Variants in CDH13 observed in about 807,000 individuals in gnomAD.
CDH13 encodes cadherin 13, also known as cadherin-13.
Under a neutral mutation model 63.8 loss-of-function variants are expected in CDH13, and 24 were observed. That is an observed-to-expected ratio of 0.38 (90% CI 0.27 to 0.53). The LOEUF is 0.53. Among genes scored for constraint, CDH13 ranks in the 20% least tolerant of loss-of-function variants. The pLI, the probability that CDH13 is intolerant of heterozygous loss-of-function variation, is 0.85. For synonymous variants in CDH13, 503 were observed against 355.3 expected, an observed-to-expected ratio of 1.42 and a Z score of -4.67; for missense variants, 1,049 against 903.1, an observed-to-expected ratio of 1.16 and a Z score of -2.07.
chr16:83,357,311 G>C (rs1189095682), intron 6 of CDH13, among the ~76,000 whole-genome samples: 1 of 152,224 alleles, frequency 6.6e-6, no homozygotes, highest in Middle Eastern at 3.4e-3. Flanking sequence ...GGGATGACTT[G>C]AATAGTAACA....
At position 82,627,043 on chromosome 16, in the gene CDH13, C is replaced by T. The variant is rs988560270; in HGVS notation, c.-50C>T. 3.1e-5 allele frequency: 49 copies of T among 1,565,246 alleles called. No individual in the cohort carries two copies. The highest frequency in any genetic ancestry group is 4.2e-5 in the Non-Finnish European group (48 of 1,154,388). On this transcript the variant is annotated 5_prime_UTR_variant, in exon 1 of 14. Transcript: ENST00000567109. ...GCTCCCACGGAAAATATGCTCAGTG[C>T]AGCCGCGTGCATGAATGAAAACGCC...
chr16:83,059,553 C>T (rs535535945), intron 3 of CDH13, among the ~76,000 whole-genome samples: 1 of 152,206 alleles, frequency 6.6e-6, no homozygotes, highest in East Asian at 1.9e-4. Context: ...AGATTGAACT[C>T]TTCGGAGATT....
intron 6 of CDH13, among the ~76,000 whole-genome samples, chr16:83,362,592 T>C (rs1037855251): frequency 4.6e-5 from 7 of 152,190 alleles, no homozygotes; most frequent in African/African-American, 1.7e-4. Context: ...ACTGTCTCCA[T>C]GTTTCATGTG....
intron 6 of CDH13, among the ~76,000 whole-genome samples, chr16:83,445,421 C>T (rs1463422331): frequency 2.0e-5 from 3 of 152,114 alleles, no homozygotes; most frequent in East Asian, 1.9e-4. Context: ...AAATCAGATC[C>T]TGCTGTGTTC....
intron 5 of CDH13, among the ~76,000 whole-genome samples, chr16:83,260,514 C>T (rs1045655210): frequency 2.0e-5 from 3 of 152,166 alleles, no homozygotes; most frequent in Non-Finnish European, 2.9e-5. Context: ...CTTTTTAGCT[C>T]AGTCTTCGAG....
chr16:83,552,486 C>T (rs544867400), intron 7 of CDH13, among the ~76,000 whole-genome samples: 1 of 152,292 alleles, frequency 6.6e-6, no homozygotes, highest in Non-Finnish European at 1.5e-5. Context: ...GTCTCCTAGT[C>T]AGGCATTAAC....
chr16:82,865,546 G>A (rs2040101348), intron 2 of CDH13, among the ~76,000 whole-genome samples: 1 of 152,162 alleles, frequency 6.6e-6, no homozygotes, highest in Non-Finnish European at 1.5e-5. Flanking sequence ...GCCCCTTTTA[G>A]CCATGGCCAA....
At chr16:83,324,752 G>C (rs966388720) in intron 5 of CDH13, among the ~76,000 whole-genome samples, 10 of 152,100 alleles carry the variant, frequency 6.6e-5, no homozygotes, top group African/African-American at 9.7e-5. Flanking sequence ...TATTTCTCTT[G>C]GCTATTTGTC....
At chr16:83,049,918 TTGAG>T (rs1405545666) in intron 3 of CDH13, among the ~76,000 whole-genome samples, 1 of 152,212 alleles carries the variant, frequency 6.6e-6, no homozygotes, top group Non-Finnish European at 1.5e-5. Flanking sequence ...TTTACAATGA[TTGAG>T]TGTGGGCAGC....
Position 82,925,610 on chromosome 16 carries a change from G to A in CDH13, c.157+67137G>A, listed in dbSNP as rs574960898. ...GATCAGGGGAAGGTTTTTAGGAATG[G>A]GTATGGCATGGCCAACCTGAACACT... On this transcript the variant is annotated intron_variant, in intron 2 of 13. Coordinates refer to ENST00000567109, the MANE Select transcript of CDH13 (RefSeq NM_001257.5). Among the ~76,000 whole-genome samples, 6 of 152,276 alleles carry A rather than the reference G, an allele frequency of 3.9e-5. 1 individual carries two copies. Among genetic ancestry groups the A allele is most frequent in the Admixed American group, 2.0e-4 (3 of 15,298 alleles).
chr16:83,329,756 A>G (rs375707827), intron 5 of CDH13, among the ~76,000 whole-genome samples: 12 of 152,210 alleles, frequency 7.9e-5, no homozygotes, highest in Non-Finnish European at 1.6e-4. Flanking sequence ...GAGAGCTCAT[A>G]TAAGTGGAAT....
chr16:82,759,614 A>G (rs2034752492), intron 1 of CDH13, among the ~76,000 whole-genome samples: 1 of 151,382 alleles, frequency 6.6e-6, no homozygotes, highest in Non-Finnish European at 1.5e-5. Context: ...AATATAACAT[A>G]AAAATGACTT....
intron 5 of CDH13, among the ~76,000 whole-genome samples, chr16:83,335,874 G>C (rs1053048375): frequency 1.3e-5 from 2 of 152,042 alleles, no homozygotes; most frequent in Admixed American, 6.6e-5. Context: ...TTGCTCACTT[G>C]GGGGGCTTGG....
chr16:83,645,604 G>A (rs1023101321), intron 8 of CDH13, among the ~76,000 whole-genome samples: 21 of 151,278 alleles, frequency 1.4e-4, no homozygotes, highest in East Asian at 3.9e-4. Context: ...CCAACCTCCC[G>A]CACCCTCAGG....
intron 13 of CDH13, among the ~76,000 whole-genome samples, chr16:83,793,819 A>G (rs1258486150): frequency 6.6e-6 from 1 of 152,102 alleles, no homozygotes; most frequent in East Asian, 1.9e-4. Flanking sequence ...CTCTAAAAAA[A>G]AAAAAAAAAA....
At chr16:83,041,844 C>T (rs1027954429) in intron 3 of CDH13, among the ~76,000 whole-genome samples, 6 of 152,192 alleles carry the variant, frequency 3.9e-5, no homozygotes, top group African/African-American at 1.2e-4. Flanking sequence ...CATCATGAGA[C>T]ACATTTAATA....
intron 1 of CDH13, among the ~76,000 whole-genome samples, chr16:82,643,843 A>G (rs1269737104): frequency 1.3e-5 from 2 of 152,034 alleles, no homozygotes; most frequent in African/African-American, 4.8e-5. Context: ...CCTGAGCTCA[A>G]GCAACCCTCT....
At chr16:83,268,803 C>G (rs976565436) in intron 5 of CDH13, among the ~76,000 whole-genome samples, 1 of 152,112 alleles carries the variant, frequency 6.6e-6, no homozygotes, top group Non-Finnish European at 1.5e-5. Context: ...GGCACAGGTT[C>G]CTAAGGAGTG....
At chr16:83,048,897 C>G (rs1323973648) in intron 3 of CDH13, among the ~76,000 whole-genome samples, 3 of 152,024 alleles carry the variant, frequency 2.0e-5, no homozygotes, top group African/African-American at 2.4e-5. Flanking sequence ...TTGTTGAAAG[C>G]CATCTTCACT....
Sources: gnomAD v4.1 joint callset for allele counts (sites outside exome capture counted in the v4.1 genomes callset) on GRCh38, gnomAD v4.1.1 for gene constraint, MANE v1.5 for transcripts, NCBI Gene and HGNC (gene_info 2026-07-23, HGNC 2026-07-21) for gene names.